Variants in DGKB observed in about 807,000 individuals in gnomAD.
The protein encoded by DGKB is 90 kDa diacylglycerol kinase.
DGKB carries 67 observed loss-of-function variants against 114.3 expected under a neutral mutation model. The ratio of observed to expected loss-of-function variants is 0.59; its 90% CI spans 0.48 to 0.72. The LOEUF is 0.72. Among genes scored for constraint, DGKB ranks in the 30% least tolerant of loss-of-function variants. The probability of loss-of-function intolerance (pLI) is 0.00; values close to 1 mark genes in which losing one functional copy is unlikely to be tolerated. For synonymous variants in DGKB, 398 were observed against 323.1 expected, an observed-to-expected ratio of 1.23 and a Z score of -2.49; for missense variants, 907 against 975.2, an observed-to-expected ratio of 0.93 and a Z score of 0.93.
At position 14,345,282 on chromosome 7, in the gene DGKB, G is replaced by C; in HGVS notation, c.1926+19C>G. The C allele has an allele frequency of 7.1e-7, 1 of 1,400,586 alleles. No homozygotes were observed. 86.8% of individuals were successfully genotyped at this position (1,400,586 alleles called of 1,614,324 possible). Reference sequence around the variant, plus strand: ...AGCCATTTCATCATATTACAAAAGAGAATTCATTTTTTTCTTACTTCTATT... The same window carrying C: ...AGCCATTTCATCATATTACAAAAGACAATTCATTTTTTTCTTACTTCTATT... On this transcript the variant is annotated intron_variant, in intron 22 of 25. Coordinates refer to ENST00000402815, the MANE Select transcript of DGKB (RefSeq NM_001350709.2).
intron 21 of DGKB, among the ~76,000 whole-genome samples, chr7:14,417,637 T>C (rs964488921): frequency 6.6e-6 from 1 of 151,940 alleles, no homozygotes; most frequent in African/African-American, 2.4e-5. Flanking sequence ...TCAATTTTGG[T>C]TAAGTTTTTG....
At chr7:14,645,923 A>T (rs1812901090) in intron 13 of DGKB, among the ~76,000 whole-genome samples, 1 of 152,164 alleles carries the variant, frequency 6.6e-6, no homozygotes, top group East Asian at 1.9e-4. Flanking sequence ...TTCTACAGAA[A>T]ACAAGCAAAC....
At chr7:14,687,621 G>T (rs1000440817) in intron 9 of DGKB, among the ~76,000 whole-genome samples, 4 of 151,942 alleles carry the variant, frequency 2.6e-5, no homozygotes, top group Admixed American at 6.6e-5. Flanking sequence ...TAAATATGGG[G>T]TTGTTAATTT....
chr7:14,663,090 A>G (rs1817446705), intron 13 of DGKB, among the ~76,000 whole-genome samples: 1 of 152,030 alleles, frequency 6.6e-6, no homozygotes, highest in African/African-American at 2.4e-5. Flanking sequence ...CTCGCTTCAT[A>G]TCACAAAACT....
intron 1 of DGKB, among the ~76,000 whole-genome samples, chr7:14,958,426 A>ACAC (rs1786641254): frequency 8.1e-6 from 1 of 122,814 alleles, no homozygotes; most frequent in Non-Finnish European, 1.7e-5. Context: ...TACCTCTCCC[A>ACAC]ACACACACAC....
intron 20 of DGKB, among the ~76,000 whole-genome samples, chr7:14,483,034 T>C (rs1250331238): frequency 6.6e-6 from 1 of 151,732 alleles, no homozygotes; most frequent in Non-Finnish European, 1.5e-5. Flanking sequence ...GAAGTTAACG[T>C]TTTGGTTTTC....
At chr7:14,536,175 G>C (rs1432694180) in intron 20 of DGKB, among the ~76,000 whole-genome samples, 1 of 152,150 alleles carries the variant, frequency 6.6e-6, no homozygotes, top group Admixed American at 6.5e-5. Flanking sequence ...TATCAATAAA[G>C]AAAATCTCAG....
rs188154687 is a variant in DGKB at position 14,496,734 on chromosome 7, A to T, written c.1771-18509T>A. ...ACATTATTCTAAAGTTTTTGAAAAC[A>T]GAAGCAATAACTTTTGCTACAAAGA... On this transcript the variant is annotated intron_variant, in intron 20 of 25. Coordinates refer to ENST00000402815, the MANE Select transcript of DGKB (RefSeq NM_001350709.2). Among the ~76,000 whole-genome samples the T allele has an allele frequency of 2.0e-5, 3 of 151,968 alleles. No homozygotes were observed. The East Asian group carries it at 5.8e-4, about 29-fold the overall frequency.
intron 1 of DGKB, among the ~76,000 whole-genome samples, chr7:14,900,661 G>A (rs1351238291): frequency 6.6e-6 from 1 of 151,998 alleles, no homozygotes; most frequent in Non-Finnish European, 1.5e-5. Flanking sequence ...GTTTTAAATT[G>A]TTAAAACAAT....
chr7:14,782,889 C>T (rs959824707), intron 2 of DGKB, among the ~76,000 whole-genome samples: 2 of 151,968 alleles, frequency 1.3e-5, no homozygotes, highest in Non-Finnish European at 2.9e-5. Flanking sequence ...GGCTGGAGTG[C>T]AGTGATGATC....
chr7:14,779,232 T>C (rs549259023), intron 2 of DGKB, among the ~76,000 whole-genome samples: 3 of 152,332 alleles, frequency 2.0e-5, no homozygotes, highest in African/African-American at 7.2e-5. Context: ...AACATTATTC[T>C]ATTTTTAATT....
At chr7:14,679,802 C>A (rs1377181423) in intron 12 of DGKB, among the ~76,000 whole-genome samples, 2 of 152,100 alleles carry the variant, frequency 1.3e-5, no homozygotes, top group East Asian at 3.9e-4. Flanking sequence ...AATTTTCATG[C>A]AATGGTTCAA....
chr7:14,423,438 C>A (rs1007472659), intron 21 of DGKB, among the ~76,000 whole-genome samples: 2 of 151,872 alleles, frequency 1.3e-5, no homozygotes, highest in South Asian at 4.2e-4. Context: ...GGTCTCCTAA[C>A]TATTATACTT....
At chr7:14,672,454 A>AT (rs978953083) in intron 13 of DGKB, among the ~76,000 whole-genome samples, 39 of 150,832 alleles carry the variant, frequency 2.6e-4, no homozygotes, top group Admixed American at 4.0e-4. Flanking sequence ...GTTCAATAAA[A>AT]TTTTTTTTTT....
intron 23 of DGKB, among the ~76,000 whole-genome samples, chr7:14,296,113 C>A (rs1172506323): frequency 6.6e-6 from 1 of 151,176 alleles, no homozygotes; most frequent in Non-Finnish European, 1.5e-5. Context: ...CACACTGCAA[C>A]CTCCACCTCC....
chr7:14,553,994 T>A (rs1483515930), intron 20 of DGKB, among the ~76,000 whole-genome samples: 2 of 147,528 alleles, frequency 1.4e-5, no homozygotes, highest in African/African-American at 5.0e-5. Flanking sequence ...TGCCTCAGCC[T>A]CCCGAGTAGC....
At chr7:14,926,903 A>G (rs369409362) in intron 1 of DGKB, among the ~76,000 whole-genome samples, 15 of 152,076 alleles carry the variant, frequency 9.9e-5, no homozygotes, top group African/African-American at 2.9e-4. Context: ...CCTACAGAAG[A>G]TTCGTATTTG....
intron 25 of DGKB, among the ~76,000 whole-genome samples, chr7:14,159,175 G>A (rs183700280): frequency 5.2e-4 from 79 of 152,088 alleles, no homozygotes; most frequent in African/African-American, 1.7e-3. Context: ...CCACTGGACC[G>A]TATGCCTCAC....
intron 21 of DGKB, among the ~76,000 whole-genome samples, chr7:14,381,111 G>T (rs892542346): frequency 3.3e-5 from 5 of 152,300 alleles, no homozygotes; most frequent in Admixed American, 1.3e-4. Context: ...GAGCTCAGGG[G>T]CTCGTTCTCT....
Sources: gnomAD v4.1 joint callset for allele counts (sites outside exome capture counted in the v4.1 genomes callset) on GRCh38, gnomAD v4.1.1 for gene constraint, MANE v1.5 for transcripts, NCBI Gene and HGNC (gene_info 2026-07-23, HGNC 2026-07-21) for gene names.